The following SORCS2 variants were observed in gnomAD, a reference collection of about 807,000 sequenced individuals.
SORCS2 encodes the protein sortilin related VPS10 domain containing receptor 2.
In SORCS2, 100 loss-of-function variants were observed where a neutral mutation model predicts 141.6. The ratio of observed to expected loss-of-function variants is 0.71; its 90% CI spans 0.60 to 0.83. SORCS2 has a LOEUF of 0.83. Ranked by LOEUF, SORCS2 falls within the 40% of genes least tolerant of loss-of-function variation. SORCS2 has a pLI of 0.00. For synonymous variants in SORCS2, 789 were observed against 676.9 expected (o/e 1.17, Z -2.57); for missense variants, 1,646 against 1,560.2 (o/e 1.05, Z -0.93).
At chr4:7,598,522 C>T (rs978314192) in intron 3 of SORCS2, among the ~76,000 whole-genome samples, 3 of 152,092 alleles carry the variant, frequency 2.0e-5, no homozygotes, top group African/African-American at 7.2e-5. Flanking sequence ...GGAAACTCCT[C>T]CTATGGGTGG....
chr4:7,314,384 G>A (rs1472517044), intron 1 of SORCS2, among the ~76,000 whole-genome samples: 1 of 146,836 alleles, frequency 6.8e-6, no homozygotes, highest in Non-Finnish European at 1.5e-5. Flanking sequence ...CAGTTGCCCA[G>A]GCTGGAGTGC....
intron 2 of SORCS2, among the ~76,000 whole-genome samples, chr4:7,476,727 C>A (rs1730319746): frequency 1.3e-5 from 2 of 152,290 alleles, no homozygotes; most frequent in East Asian, 1.9e-4. Flanking sequence ...CCCTCTCTTG[C>A]CACACCTCTC....
chr4:7,710,056 G>A (rs2109029817), intron 14 of SORCS2, among the ~76,000 whole-genome samples: 1 of 152,342 alleles, frequency 6.6e-6, no homozygotes, highest in Non-Finnish European at 1.5e-5. Context: ...TTTCATAAAA[G>A]GCAGGGCTTC....
chr4:7,441,131 C>T (rs905108484), intron 2 of SORCS2, among the ~76,000 whole-genome samples: 2 of 152,142 alleles, frequency 1.3e-5, no homozygotes, highest in African/African-American at 2.4e-5. Context: ...GGGCGAAGGC[C>T]CCAGTGTGGG....
intron 19 of SORCS2, among the ~76,000 whole-genome samples, chr4:7,724,524 A>G (rs1278342991): frequency 1.0e-4 from 8 of 77,072 alleles, no homozygotes; most frequent in Non-Finnish European, 1.5e-4. Context: ...TGGTGGTGAT[A>G]GGGTGGTGGT....
intron 3 of SORCS2, among the ~76,000 whole-genome samples, chr4:7,612,679 G>A (rs1206260865): frequency 6.6e-6 from 1 of 152,232 alleles, no homozygotes; most frequent in African/African-American, 2.4e-5. Flanking sequence ...CTGGGGCCTG[G>A]TCTGCTGGAA....
chr4:7,253,309 G>A (rs1359058143), intron 1 of SORCS2, among the ~76,000 whole-genome samples: 3 of 152,254 alleles, frequency 2.0e-5, no homozygotes, highest in Admixed American at 2.0e-4. Flanking sequence ...CTGGGGTCCA[G>A]GGCCCCAAGG....
At chr4:7,433,644 G>T (rs2109234474) in intron 2 of SORCS2, 2 of 1,610,388 alleles carry the variant, frequency 1.2e-6, no homozygotes, top group East Asian at 4.5e-5. Flanking sequence ...TGGTGCTCTT[G>T]CTCTCCAAGT....
intron 3 of SORCS2, among the ~76,000 whole-genome samples, chr4:7,626,481 C>T (rs1423531210): frequency 2.6e-5 from 4 of 152,218 alleles, no homozygotes; most frequent in Admixed American, 2.6e-4. Flanking sequence ...ATCGTCTCGT[C>T]ACCCAGAAAC....
intron 11 of SORCS2, among the ~76,000 whole-genome samples, chr4:7,691,034 T>C (rs1306516661): frequency 3.3e-5 from 5 of 152,208 alleles, no homozygotes; most frequent in Non-Finnish European, 4.4e-5. Flanking sequence ...ACATGGGGTC[T>C]GTGACAGTCA....
chr4:7,620,562 G>A (rs1719097745), intron 3 of SORCS2, among the ~76,000 whole-genome samples: 1 of 152,218 alleles, frequency 6.6e-6, no homozygotes, highest in Non-Finnish European at 1.5e-5. Flanking sequence ...GCTGAGTTGT[G>A]GGCAACCAAC....
intron 1 of SORCS2, among the ~76,000 whole-genome samples, chr4:7,394,812 G>A (rs1724101692): frequency 6.6e-6 from 1 of 152,134 alleles, no homozygotes; most frequent in African/African-American, 2.4e-5. Context: ...CGAGGCCAGG[G>A]CAGAGCCTGG....
At chr4:7,724,105 A>AGTGGTGGTGATGGTGGTGGTG (rs1248885165) in intron 19 of SORCS2, among the ~76,000 whole-genome samples, 3 of 135,972 alleles carry the variant, frequency 2.2e-5, no homozygotes, top group African/African-American at 3.2e-5. Context: ...TATTGATGAT[A>AGTGGTGGTGATGGTGGTGGTG]GTGGTGGTGA....
At chr4:7,200,943 G>A (rs1277258437) in intron 1 of SORCS2, among the ~76,000 whole-genome samples, 1 of 152,210 alleles carries the variant, frequency 6.6e-6, no homozygotes, top group Non-Finnish European at 1.5e-5. Context: ...GCTCGTGGTG[G>A]CTGTTGGCCT....
At chr4:7,543,665 CAT>C (rs1560372871) in intron 3 of SORCS2, among the ~76,000 whole-genome samples, 10 of 147,354 alleles carry the variant, frequency 6.8e-5, no homozygotes, top group Admixed American at 1.4e-4. Flanking sequence ...TCCACCCACC[CAT>C]CCATCCATCC....
intron 2 of SORCS2, among the ~76,000 whole-genome samples, chr4:7,504,930 G>A (rs1047465657): frequency 4.6e-5 from 7 of 152,254 alleles, no homozygotes; most frequent in South Asian, 2.1e-4. Flanking sequence ...GATGCCCCCC[G>A]GCCACCTGTC....
At position 7,676,799 on chromosome 4, in the gene SORCS2, TTCTGTC is replaced by T. The variant is rs796602943; in HGVS notation, c.1341+574_1341+579del. On this transcript the variant is annotated intron_variant, in intron 9 of 26. Coordinates refer to ENST00000507866, the MANE Select transcript of SORCS2 (RefSeq NM_020777.3). ...CCCTCTGTGTGTCTGAAGTCTGCCT[TTCTGTC>T]TCTCTCTCTCTCTCTCTCTCTCTCC... 4.8e-3 allele frequency among the ~76,000 whole-genome samples: 154 copies of T among 32,228 alleles called. 3 individuals are homozygous for T. Among genetic ancestry groups the T allele is most frequent in the African/African-American group, 0.019 (138 of 7,430 alleles). The allele number at this position is 32,228 out of a possible 152,430, so 21.1% of individuals were successfully genotyped here.
At chr4:7,379,054 C>G (rs962539359) in intron 1 of SORCS2, among the ~76,000 whole-genome samples, 1 of 152,190 alleles carries the variant, frequency 6.6e-6, no homozygotes, top group Non-Finnish European at 1.5e-5. Context: ...GCTGATCACG[C>G]ACATCTAAAG....
At chr4:7,312,267 G>A (rs561220622) in intron 1 of SORCS2, among the ~76,000 whole-genome samples, 5 of 152,308 alleles carry the variant, frequency 3.3e-5, no homozygotes, top group Non-Finnish European at 7.3e-5. Context: ...TGTGCATTGT[G>A]CATTTGGTGT....
Sources: gnomAD v4.1 joint callset for allele counts (sites outside exome capture counted in the v4.1 genomes callset) on GRCh38, gnomAD v4.1.1 for gene constraint, MANE v1.5 for transcripts, NCBI Gene and HGNC (gene_info 2026-07-23, HGNC 2026-07-21) for gene names.